Variants in BTC observed in about 807,000 individuals in gnomAD.
BTC encodes the protein probetacellulin.
A neutral mutation model predicts 18.1 loss-of-function variants in BTC; 13 were observed. The observed-to-expected ratio is 0.72, with a 90% CI of 0.47 to 1.14. The LOEUF (loss-of-function observed/expected upper bound fraction) is 1.14. Ranked by LOEUF, BTC falls within the 50% of genes most tolerant of loss-of-function variation. BTC has a pLI of 0.00. For missense variants in BTC, 247 were observed against 224.2 expected (o/e 1.10, Z -0.65); for synonymous variants, 83 against 79.4 (o/e 1.05, Z -0.24).
At chr4:74,788,172 G>A (rs1291125472) in intron 1 of BTC, among the ~76,000 whole-genome samples, 1 of 152,088 alleles carries the variant, frequency 6.6e-6, no homozygotes, top group Non-Finnish European at 1.5e-5. Context: ...TCAGGATTCC[G>A]ACTAATGCCC....
intron 2 of BTC, among the ~76,000 whole-genome samples, chr4:74,758,861 A>G (rs1201397815): frequency 1.3e-5 from 2 of 152,180 alleles, no homozygotes; most frequent in Non-Finnish European, 2.9e-5. Context: ...CCATGCCACC[A>G]GGCAGAAAAT....
intron 2 of BTC, among the ~76,000 whole-genome samples, chr4:74,764,250 A>G (rs1553957614): frequency 6.6e-6 from 1 of 152,186 alleles, no homozygotes; most frequent in Non-Finnish European, 1.5e-5. Context: ...AAAAATAAAG[A>G]CCATATACTG....
chr4:74,753,342 C>A (rs1553956392), intron 3 of BTC, among the ~76,000 whole-genome samples: 1 of 152,150 alleles, frequency 6.6e-6, no homozygotes, highest in East Asian at 1.9e-4. Context: ...TTATCATTAA[C>A]CCCATTTTAT....
chr4:74,750,878 C>A (rs1336954735), intron 3 of BTC, among the ~76,000 whole-genome samples, 159 bp from the exon 4 acceptor site: 1 of 152,118 alleles, frequency 6.6e-6, no homozygotes, highest in African/African-American at 2.4e-5. Flanking sequence ...CCAGTAATTT[C>A]AATTTTTTTT....
intron 1 of BTC, among the ~76,000 whole-genome samples, chr4:74,786,668 T>G (rs1358824334): frequency 6.6e-6 from 1 of 152,196 alleles, no homozygotes; most frequent in Non-Finnish European, 1.5e-5. Flanking sequence ...CAAGGGTGTT[T>G]TTAAATAAAC....
chr4:74,768,788 A>G (rs1443973319), intron 2 of BTC, among the ~76,000 whole-genome samples: 1 of 152,198 alleles, frequency 6.6e-6, no homozygotes, highest in Non-Finnish European at 1.5e-5. Flanking sequence ...TAGGATGATG[A>G]TGAGGAAGAT....
intron 2 of BTC, among the ~76,000 whole-genome samples, 164 bp from the exon 3 acceptor site, chr4:74,756,140 A>G (rs528060950): frequency 6.6e-6 from 1 of 152,258 alleles, no homozygotes; most frequent in Non-Finnish European, 1.5e-5. Flanking sequence ...TGTGACTCCA[A>G]AATAGCTCTA....
chr4:74,753,725 C>T (rs956593467), intron 3 of BTC, among the ~76,000 whole-genome samples: 3 of 152,246 alleles, frequency 2.0e-5, no homozygotes, highest in African/African-American at 7.2e-5. Context: ...TTATCTACCA[C>T]TCATCTCATA....
At chr4:74,783,510 G>A (rs1208991128) in intron 1 of BTC, among the ~76,000 whole-genome samples, 1 of 150,292 alleles carries the variant, frequency 6.7e-6, no homozygotes, top group East Asian at 2.0e-4. Flanking sequence ...TAGCCCTGCA[G>A]TGTAGTTTGA....
chr4:74,784,307 T>C (rs1431734296), intron 1 of BTC, among the ~76,000 whole-genome samples: 2 of 152,068 alleles, frequency 1.3e-5, no homozygotes, highest in East Asian at 3.8e-4. Flanking sequence ...CCTGCTGAAG[T>C]TGCTTATCAG....
intron 1 of BTC, among the ~76,000 whole-genome samples, chr4:74,790,005 C>A (rs144564186): frequency 3.5e-5 from 5 of 144,636 alleles, no homozygotes; most frequent in Admixed American, 1.3e-4. Flanking sequence ...AGTAGATATG[C>A]ATTTTACTTT....
intron 2 of BTC, among the ~76,000 whole-genome samples, chr4:74,768,335 G>T (rs1382012701): frequency 6.6e-6 from 1 of 152,066 alleles, no homozygotes; most frequent in Non-Finnish European, 1.5e-5. Context: ...TTTCATAAAA[G>T]TCAAAAGGTG....
intron 1 of BTC, among the ~76,000 whole-genome samples, chr4:74,785,056 G>A (rs1449358322): frequency 2.0e-5 from 3 of 152,044 alleles, no homozygotes; most frequent in African/African-American, 7.2e-5. Context: ...TTCAGGTCCT[G>A]GGCTTTTTTT....
chr4:74,749,686 T>G (rs797042548), intron 4 of BTC, among the ~76,000 whole-genome samples: 1 of 116,204 alleles, frequency 8.6e-6, no homozygotes, highest in Non-Finnish European at 1.9e-5. Context: ...ATAGTTTTTT[T>G]TGTTGTTGTT....
In BTC at chr4:74,750,633, C is replaced by A; in HGVS notation, c.368G>T (p.Cys123Phe). The change falls in exon 4 of 6, where the codon TGT (cysteine) becomes TTT (phenylalanine). Residue 123 changes from cysteine to phenylalanine, a missense_variant. Transcript: ENST00000395743. The part of the protein sequence containing the change: ...RGDRGQILVI[C>F]LIAVMVVFII... ...AAAAACTACCATAACTGCTATCAAACAAATCACCAGAATCTGTCCTCTGTC... is the reference window on the plus strand; with the variant it reads ...AAAAACTACCATAACTGCTATCAAAAAAATCACCAGAATCTGTCCTCTGTC... The A allele has an allele frequency of 6.2e-7, 1 of 1,613,980 alleles. No individual in the cohort carries two copies. Among genetic ancestry groups the A allele is most frequent in the Non-Finnish European group, 8.5e-7 (1 of 1,179,946 alleles).
At chr4:74,767,301 T>A (rs1339003360) in intron 2 of BTC, among the ~76,000 whole-genome samples, 1 of 151,102 alleles carries the variant, frequency 6.6e-6, no homozygotes, top group Non-Finnish European at 1.5e-5. Flanking sequence ...CACGAACTAT[T>A]CAAAAAGCAA....
In BTC at chr4:74,748,124, T is replaced by C; in HGVS notation, c.454A>G (p.Lys152Glu). The C allele has an allele frequency of 6.2e-7, 1 of 1,609,712 alleles. No homozygotes were observed. The highest frequency in any genetic ancestry group is 8.5e-7 in the Non-Finnish European group (1 of 1,179,048). ...GTTTCCATTTCTTCTTCTTTCTTCT[T>C]TCTTTTACGACGTTTCCGAAGAGGG... ...CHPLRKRRKR[K>E]KKEEEMETLG... is the part of the protein sequence containing the mutation. Residue 152 changes from lysine (K) to glutamate (E), a missense_variant, in exon 5 of 6, where the codon AAG (lysine) becomes GAG (glutamate). Physicochemically the swap from Lys to Glu is moderately conservative, Grantham distance 56. Coordinates refer to ENST00000395743, the MANE Select transcript of BTC (RefSeq NM_001729.4).
At chr4:74,768,930 T>G (rs149197602) in intron 2 of BTC, among the ~76,000 whole-genome samples, 418 of 152,268 alleles carry the variant, frequency 2.7e-3, no homozygotes, top group African/African-American at 9.4e-3. Context: ...CTTGTTCTTC[T>G]GCCTACATGG....
At position 74,745,742 on chromosome 4, in the gene BTC, A is replaced by T. The variant is rs1416670779; in HGVS notation, c.*935T>A. 6.6e-6 allele frequency: 1 copy of T among 152,198 alleles called. No individual in the cohort carries two copies. Among genetic ancestry groups the T allele is most frequent in the Non-Finnish European group, 1.5e-5 (1 of 68,032 alleles). 9.4% of individuals were successfully genotyped at this position (152,198 alleles called of 1,614,324 possible). On this transcript the variant is annotated 3_prime_UTR_variant, in exon 6 of 6. Transcript: ENST00000395743. ...CACTGACCATTACTCCCATATAAAC[A>T]GCCTCTTTCAGTAATATTATTTATA...
Sources: gnomAD v4.1 joint callset for allele counts (sites outside exome capture counted in the v4.1 genomes callset) on GRCh38, gnomAD v4.1.1 for gene constraint, MANE v1.5 for transcripts, NCBI Gene and HGNC (gene_info 2026-07-23, HGNC 2026-07-21) for gene names.